The following FRMD5 variants were observed in gnomAD, a reference collection of about 807,000 sequenced individuals.
FRMD5 encodes FERM domain containing 5.
A neutral mutation model predicts 69.0 loss-of-function variants in FRMD5; 20 were observed. The ratio of observed to expected loss-of-function variants is 0.29; its 90% CI spans 0.20 to 0.42. The LOEUF is 0.42. FRMD5 is among the 10% of genes least tolerant of loss of function. The probability of loss-of-function intolerance (pLI) is 1.00; values close to 1 mark genes in which losing one functional copy is unlikely to be tolerated. For missense variants in FRMD5, 595 were observed against 708.6 expected (o/e 0.84, Z 1.82); for synonymous variants, 271 against 260.1 (o/e 1.04, Z -0.40).
At chr15:43,893,784 T>A (rs149758569) in intron 7 of FRMD5, among the ~76,000 whole-genome samples, 1 of 152,142 alleles carries the variant, frequency 6.6e-6, no homozygotes, top group Non-Finnish European at 1.5e-5. Context: ...CTGACACAGA[T>A]TCTCAGCCTG....
intron 1 of FRMD5, among the ~76,000 whole-genome samples, chr15:43,977,599 A>C (rs769389834): frequency 4.7e-4 from 72 of 152,320 alleles, no homozygotes; most frequent in Non-Finnish European, 7.1e-4. Context: ...GCAGGGTAAA[A>C]ACATTAATAT....
chr15:43,935,877 T>G (rs905387890), intron 1 of FRMD5, among the ~76,000 whole-genome samples: 2 of 152,126 alleles, frequency 1.3e-5, no homozygotes, highest in African/African-American at 4.8e-5. Context: ...GGAAAACCAT[T>G]GGGAAAAACA....
intron 1 of FRMD5, among the ~76,000 whole-genome samples, chr15:44,019,811 C>T (rs1487763642): frequency 7.0e-6 from 1 of 143,430 alleles, no homozygotes; most frequent in African/African-American, 2.6e-5. Context: ...AGAACAAGCA[C>T]TAAAATCCTT....
At chr15:44,038,054 T>C (rs935404721) in intron 1 of FRMD5, among the ~76,000 whole-genome samples, 2 of 152,256 alleles carry the variant, frequency 1.3e-5, no homozygotes, top group African/African-American at 2.4e-5. Flanking sequence ...TGACCAGTGA[T>C]GATGAGCTTT....
rs1335701534 is a variant in FRMD5 at position 43,901,610 on chromosome 15, C to A, written c.639+565G>T. Among the ~76,000 whole-genome samples, 3 of 152,148 alleles carry A rather than the reference C, an allele frequency of 2.0e-5. No homozygotes were observed. In the East Asian group the frequency reaches 5.8e-4, roughly 29 times the overall value. The stretch of plus-strand genomic sequence containing the variant: ...GGAAGGGGCCATGGGTCTGCACAGG[C>A]CTCGGCAGTGACTGGCTGCCCCCGC... On this transcript the variant is annotated intron_variant, in intron 7 of 13. Transcript: ENST00000417257.
rs576617043 is a variant in FRMD5, at chr15:44,133,212, CA to C, written c.102+61740del. Among the ~76,000 whole-genome samples, 44 of 137,584 alleles carry C rather than the reference CA, an allele frequency of 3.2e-4. 1 individual carries two copies. Among genetic ancestry groups the C allele is most frequent in the South Asian group, 1.2e-3 (5 of 4,276 alleles). The allele number at this position is 137,584 out of a possible 152,430, so 90.3% of individuals were successfully genotyped here. Reference sequence around the variant, plus strand: ...CTGGCGACACTGCGAGACTCCGTCTCAAAAAAAAAAATCAAAACAAAACAAA... The same window carrying C: ...CTGGCGACACTGCGAGACTCCGTCTCAAAAAAAAAATCAAAACAAAACAAA... On this transcript the variant is annotated intron_variant, in intron 1 of 13. Coordinates refer to ENST00000417257, the MANE Select transcript of FRMD5 (RefSeq NM_032892.5).
intron 1 of FRMD5, among the ~76,000 whole-genome samples, chr15:43,987,773 C>A (rs1292940903): frequency 6.6e-6 from 1 of 152,172 alleles, no homozygotes; most frequent in Non-Finnish European, 1.5e-5. Flanking sequence ...TAGTCTCAAA[C>A]TCCTGACCTT....
intron 1 of FRMD5, among the ~76,000 whole-genome samples, chr15:44,097,527 A>G (rs1453110048): frequency 1.3e-5 from 2 of 152,228 alleles, no homozygotes; most frequent in African/African-American, 4.8e-5. Context: ...AGAGCAGACT[A>G]TAGGGAAGCT....
chr15:44,035,801 T>C lies in FRMD5; in HGVS notation c.103-111492A>G, dbSNP rs566934566. 2.0e-4 allele frequency among the ~76,000 whole-genome samples: 30 copies of C among 152,332 alleles called. No individual in the cohort carries two copies. In the South Asian group the frequency reaches 6.2e-3, roughly 32 times the overall value. On this transcript the variant is annotated intron_variant, in intron 1 of 13. Transcript: ENST00000417257. ...AAAAATCTATGTTTTATATTTTATG[T>C]TTATATATCATAAAACTTGAGTAGC...
intron 1 of FRMD5, among the ~76,000 whole-genome samples, chr15:44,107,245 T>A (rs2076733258): frequency 6.6e-6 from 1 of 152,154 alleles, no homozygotes; most frequent in African/African-American, 2.4e-5. Flanking sequence ...AGAAAATAGC[T>A]GAGGACAGAG....
At chr15:43,936,003 C>T (rs997458579) in intron 1 of FRMD5, among the ~76,000 whole-genome samples, 4 of 152,090 alleles carry the variant, frequency 2.6e-5, no homozygotes, top group Non-Finnish European at 5.9e-5. Context: ...TTGGGAAAAG[C>T]CATCTTTTCT....
chr15:44,143,625 G>A (rs1346312129), intron 1 of FRMD5, among the ~76,000 whole-genome samples: 3 of 150,336 alleles, frequency 2.0e-5, no homozygotes, highest in African/African-American at 7.4e-5. Flanking sequence ...TTACTAGATG[G>A]TAGAAAGTAT....
Position 43,905,883 on chromosome 15 carries a change from T to C in FRMD5, c.496A>G (p.Lys166Glu). Residue 166 changes from lysine (K) to glutamate (E), a missense_variant, in exon 6 of 14, where the codon AAA (lysine) becomes GAA (glutamate). Physicochemically the swap from Lys to Glu is moderately conservative, Grantham distance 56. This residue lies in a region of FRMD5 where 51 missense variants were observed against 41.7 expected (regional missense o/e 1.22). Transcript: ENST00000417257. ...TTCCTTTCCAGCTTCTCTGAATGTT[T>C]AGGGAAAAACTGGAACTTGGAGCTG... ...GYSSKFQFFP[K>E]HSEKLERKIA... The C allele has an allele frequency of 6.2e-7, 1 of 1,614,244 alleles. No individual in the cohort carries two copies. The highest frequency in any genetic ancestry group is 2.2e-5 in the East Asian group (1 of 44,894).
intron 7 of FRMD5, 81 bp from the exon 8 acceptor site, chr15:43,892,150 G>A (rs1454218580): frequency 1.4e-5 from 17 of 1,220,482 alleles, no homozygotes; most frequent in Non-Finnish European, 1.8e-5. Flanking sequence ...CATAGGTGAT[G>A]CAGGGTTAAT....
intron 1 of FRMD5, among the ~76,000 whole-genome samples, chr15:44,010,391 T>C (rs1890657574): frequency 8.3e-6 from 1 of 120,634 alleles, no homozygotes; most frequent in Non-Finnish European, 1.7e-5. Context: ...CTCAATCTTT[T>C]TTCCTTTTCT....
chr15:43,896,511 T>C (rs1487861883), intron 7 of FRMD5, among the ~76,000 whole-genome samples: 1 of 152,242 alleles, frequency 6.6e-6, no homozygotes, highest in Non-Finnish European at 1.5e-5. Context: ...GCCCCTGCCA[T>C]CAAACTTCAC....
intron 1 of FRMD5, among the ~76,000 whole-genome samples, chr15:43,964,270 T>C (rs952785167): frequency 1.3e-5 from 2 of 152,008 alleles, no homozygotes; most frequent in African/African-American, 4.8e-5. Context: ...AATTCAGTGA[T>C]GCCTTTTTCC....
chr15:44,145,541 AT>A (rs1404425999), intron 1 of FRMD5, among the ~76,000 whole-genome samples: 4 of 152,212 alleles, frequency 2.6e-5, no homozygotes, highest in African/African-American at 9.6e-5. Context: ...GCAAACTTAG[AT>A]TAAACATACA....
intron 1 of FRMD5, among the ~76,000 whole-genome samples, chr15:44,062,978 A>G (rs1012501282): frequency 3.3e-5 from 5 of 152,226 alleles, no homozygotes; most frequent in Admixed American, 2.0e-4. Flanking sequence ...GAATATATCT[A>G]TCCTTAAGCC....
Sources: allele counts gnomAD v4.1 joint callset (sites outside exome capture counted in the v4.1 genomes callset), GRCh38; gene constraint gnomAD v4.1.1; regional missense constraint gnomAD v4.1.1; transcripts MANE v1.5; gene names NCBI Gene and HGNC (gene_info 2026-07-23, HGNC 2026-07-21).